The following XYLB variants were observed in gnomAD, a reference collection of about 807,000 sequenced individuals.
XYLB encodes xylulose kinase.
A neutral mutation model predicts 78.7 loss-of-function variants in XYLB; 62 were observed. That is an observed-to-expected ratio of 0.79 (90% CI 0.64 to 0.97). XYLB has a LOEUF of 0.97. XYLB is among the 50% of genes least tolerant of loss of function. The pLI, the probability that XYLB is intolerant of heterozygous loss-of-function variation, is 0.00. For synonymous variants in XYLB, 245 were observed against 247.4 expected, an observed-to-expected ratio of 0.99 and a Z score of 0.09; for missense variants, 687 against 676.8, an observed-to-expected ratio of 1.02 and a Z score of -0.17.
chr3:38,360,430 C>T (rs769464486), intron 3 of XYLB, 22 bp downstream of exon 3: 4 of 1,551,342 alleles, frequency 2.6e-6, no homozygotes, highest in African/African-American at 1.4e-5. Context: ...GATTCCTATT[C>T]TCCTTCTATC....
At chr3:38,431,723 TC>T in the XYLB span, among the ~76,000 whole-genome samples, 2 of 152,088 alleles carry the variant, frequency 1.3e-5, no homozygotes, top group Non-Finnish European at 2.9e-5. Flanking sequence ...GACTCATGTT[TC>T]CCCTAAGGCT....
intron 15 of XYLB, among the ~76,000 whole-genome samples, chr3:38,384,512 C>T (rs1707296255): frequency 6.6e-6 from 1 of 152,212 alleles, no homozygotes; most frequent in African/African-American, 2.4e-5. Context: ...GAGGTGGGGG[C>T]TGAATGTCTT....
downstream of XYLB, among the ~76,000 whole-genome samples, chr3:38,415,945 G>A (rs138003165): frequency 5.6e-4 from 86 of 152,264 alleles, 1 homozygote; most frequent in South Asian, 4.8e-3. Flanking sequence ...GAAAGAGAGA[G>A]CATGGACGCA....
At chr3:38,385,375 G>A (rs1404127059) in intron 15 of XYLB, among the ~76,000 whole-genome samples, 1 of 151,782 alleles carries the variant, frequency 6.6e-6, no homozygotes, top group African/African-American at 2.4e-5. Flanking sequence ...GCTAAAGGTT[G>A]GTATATTTTA....
intron 6 of XYLB, among the ~76,000 whole-genome samples, chr3:38,366,092 T>C (rs2125583293): frequency 6.8e-6 from 1 of 146,480 alleles, no homozygotes. Flanking sequence ...AGGCACTTAG[T>C]GTAGTGCCTG....
At chr3:38,430,967 A>G in the XYLB span, among the ~76,000 whole-genome samples, 3 of 152,260 alleles carry the variant, frequency 2.0e-5, no homozygotes, top group South Asian at 4.1e-4. Context: ...GCCTTGTAGT[A>G]TAGTTTGAAG....
chr3:38,399,913 G>A (rs1032183249), intron 17 of XYLB, among the ~76,000 whole-genome samples: 1 of 152,184 alleles, frequency 6.6e-6, no homozygotes, highest in Non-Finnish European at 1.5e-5. Context: ...GCGAGTATGA[G>A]TGGAGATGGA....
chr3:38,449,323 G>C, the XYLB span, among the ~76,000 whole-genome samples: 1 of 151,842 alleles, frequency 6.6e-6, no homozygotes, highest in African/African-American at 2.4e-5. Context: ...GGGTTTCACC[G>C]TGTTGGCCAG....
At chr3:38,378,687 A>G (rs1288690063) in intron 14 of XYLB, among the ~76,000 whole-genome samples, 1 of 151,564 alleles carries the variant, frequency 6.6e-6, no homozygotes, top group Non-Finnish European at 1.5e-5. Context: ...TATGAGGGGG[A>G]TGGCGGCAGG....
chr3:38,374,609 G>A, intron 11 of XYLB, 107 bp downstream of exon 11: 3 of 1,435,282 alleles, frequency 2.1e-6, no homozygotes, highest in Non-Finnish European at 2.9e-6. Flanking sequence ...GGGTCCCAGG[G>A]TCTGGGTCCC....
At chr3:38,446,048 GAGC>G in the XYLB span, among the ~76,000 whole-genome samples, 1 of 152,164 alleles carries the variant, frequency 6.6e-6, no homozygotes, top group Non-Finnish European at 1.5e-5. Context: ...CCCAAAGATT[GAGC>G]AGCAGCAAGA....
At chr3:38,357,398 T>TC (rs898958887) in intron 2 of XYLB, among the ~76,000 whole-genome samples, 58 of 151,550 alleles carry the variant, frequency 3.8e-4, no homozygotes, top group African/African-American at 1.3e-3. Context: ...CATCCTTTTT[T>TC]TTTTTTGAGA....
chr3:38,365,677 G>A lies in XYLB; in HGVS notation c.448G>A (p.Glu150Lys), dbSNP rs1290727445. 4 of 1,613,958 alleles carry A rather than the reference G, an allele frequency of 2.5e-6. 1 individual carries two copies. Among genetic ancestry groups the A allele is most frequent in the Admixed American group, 3.3e-5 (2 of 60,020 alleles). ...CACCACAGCCCAGTGCCGCCAGCTGGAGGCTGCTGTGGGTGGTGCTCAGGC... is the reference window on the plus strand; with the variant it reads ...CACCACAGCCCAGTGCCGCCAGCTGAAGGCTGCTGTGGGTGGTGCTCAGGC... ...SSTTAQCRQLEAAVGGAQALS... is the reference protein window; with the variant it reads ...SSTTAQCRQLKAAVGGAQALS... The change falls in exon 6 of 19, where the codon GAG becomes AAG. Residue 150 changes from glutamate (E) to lysine (K), a missense_variant. Physicochemically the swap from Glu to Lys is moderately conservative, Grantham distance 56 (BLOSUM62 1). Transcript: ENST00000207870.
At chr3:38,394,493 T>G (rs1053801252) in intron 15 of XYLB, among the ~76,000 whole-genome samples, 2 of 152,240 alleles carry the variant, frequency 1.3e-5, no homozygotes, top group African/African-American at 4.8e-5. Flanking sequence ...TTCCTTTATT[T>G]CAATACTTAT....
intron 10 of XYLB, among the ~76,000 whole-genome samples, chr3:38,373,115 G>A (rs1419301874): frequency 6.6e-6 from 1 of 152,122 alleles, no homozygotes; most frequent in Non-Finnish European, 1.5e-5. Flanking sequence ...CTTCCTCTAG[G>A]ACATGGTTTT....
At chr3:38,374,800 A>C (rs755858486) in intron 11 of XYLB, among the ~76,000 whole-genome samples, 1 of 152,184 alleles carries the variant, frequency 6.6e-6, no homozygotes, top group African/African-American at 2.4e-5. Flanking sequence ...TGTGGGGCCA[A>C]AGGGCTGTGA....
intron 15 of XYLB, among the ~76,000 whole-genome samples, chr3:38,384,792 A>G (rs1363547829): frequency 3.9e-5 from 6 of 152,226 alleles, no homozygotes; most frequent in Admixed American, 6.5e-5. Context: ...AAAAATGGCA[A>G]TTTCATATGG....
the XYLB span, among the ~76,000 whole-genome samples, chr3:38,435,032 G>T: frequency 6.6e-6 from 1 of 152,222 alleles, no homozygotes; most frequent in East Asian, 1.9e-4. Flanking sequence ...AGCTACTTGG[G>T]TGGCTGAGGC....
rs1413615292 is a variant in XYLB at position 38,414,317 on chromosome 3, G to T, written c.*1304G>T. 6.6e-6 allele frequency: 1 copy of T among 152,050 alleles called. No homozygotes were observed. Among genetic ancestry groups the T allele is most frequent in the Non-Finnish European group, 1.5e-5 (1 of 68,056 alleles). 9.4% of individuals were successfully genotyped at this position (152,050 alleles called of 1,614,324 possible). ...GATGAAGCCATCTTGAAAGTGAGTG[G>T]TGTCCTTTGGAGGCATGGTGGATGA... On this transcript the variant is annotated 3_prime_UTR_variant, in exon 19 of 19. Coordinates refer to ENST00000207870, the MANE Select transcript of XYLB (RefSeq NM_005108.4).
Sources: allele counts gnomAD v4.1 joint callset (sites outside exome capture counted in the v4.1 genomes callset), GRCh38; gene constraint gnomAD v4.1.1; transcripts MANE v1.5; gene names NCBI Gene and HGNC (gene_info 2026-07-23, HGNC 2026-07-21).